Variants in STK31 observed in about 807,000 individuals in gnomAD.
The protein encoded by STK31 is serine/threonine-protein kinase 31.
In STK31, 89 loss-of-function variants were observed where a neutral mutation model predicts 129.7. The observed-to-expected ratio is 0.69, with a 90% CI of 0.58 to 0.82. The LOEUF (loss-of-function observed/expected upper bound fraction) is 0.82. Among genes scored for constraint, STK31 ranks in the 40% least tolerant of loss-of-function variants. STK31 has a pLI of 0.00. For missense variants in STK31, 1,187 were observed against 1,176.4 expected (o/e 1.01, Z -0.13); for synonymous variants, 448 against 395.3 (o/e 1.13, Z -1.58).
At chr7:23,831,837 G>A (rs949955609) in intron 23 of STK31, among the ~76,000 whole-genome samples, 1 of 152,144 alleles carries the variant, frequency 6.6e-6, no homozygotes, top group Non-Finnish European at 1.5e-5. Context: ...TGTTGGCCAG[G>A]CTAGTCTTGA....
In STK31 at chr7:23,729,080, AT is replaced by A; in HGVS notation, c.325-5del. On this transcript the variant is annotated splice_polypyrimidine_tract_variant and intron_variant, in intron 5 of 23. Transcript: ENST00000355870. ...GGGTCAGTATTCGTATTTGTCTCTT[AT>A]TTTTTCCAGTGTCTGGTGAGGTACA... 1 of 1,580,978 alleles carries A rather than the reference AT, an allele frequency of 6.3e-7. No individual in the cohort carries two copies. Among genetic ancestry groups the A allele is most frequent in the Non-Finnish European group, 8.6e-7 (1 of 1,169,342 alleles).
intron 4 of STK31, among the ~76,000 whole-genome samples, chr7:23,723,505 T>A (rs1184635603): frequency 3.9e-5 from 6 of 152,228 alleles, no homozygotes; most frequent in Non-Finnish European, 5.9e-5. Flanking sequence ...ACTCCTTTTC[T>A]TCTATTGAAT....
chr7:23,795,095 A>G (rs374669891), intron 22 of STK31, among the ~76,000 whole-genome samples: 3 of 152,300 alleles, frequency 2.0e-5, no homozygotes, highest in East Asian at 3.9e-4. Flanking sequence ...TGGGGAAAGT[A>G]TCTCCAGGGC....
At chr7:23,719,786 T>C (rs1418492369) in intron 4 of STK31, among the ~76,000 whole-genome samples, 1 of 152,114 alleles carries the variant, frequency 6.6e-6, no homozygotes, top group Non-Finnish European at 1.5e-5. Flanking sequence ...TGTTTTTAGG[T>C]GTGTGGAATT....
chr7:23,818,063 A>C (rs1416054648), intron 23 of STK31, among the ~76,000 whole-genome samples: 1 of 152,054 alleles, frequency 6.6e-6, no homozygotes. Context: ...AAAATTAACA[A>C]ATTGTAATAT....
chr7:23,718,041 T>C (rs1014024821), intron 4 of STK31, among the ~76,000 whole-genome samples: 5 of 152,160 alleles, frequency 3.3e-5, no homozygotes, highest in Non-Finnish European at 5.9e-5. Flanking sequence ...CAGAACAGTA[T>C]GAATGTACTT....
At chr7:23,810,873 A>G (rs959509419) in intron 22 of STK31, among the ~76,000 whole-genome samples, 19 of 141,588 alleles carry the variant, frequency 1.3e-4, no homozygotes, top group Non-Finnish European at 2.4e-4. Flanking sequence ...TATTATATAT[A>G]AATATGTATA....
intron 17 of STK31, among the ~76,000 whole-genome samples, chr7:23,784,100 A>G (rs1194993964): frequency 6.6e-6 from 1 of 152,104 alleles, no homozygotes; most frequent in Non-Finnish European, 1.5e-5. Context: ...TGAGGTGGGT[A>G]TGGTTTTCTA....
At chr7:23,825,445 T>G (rs1459589508) in intron 23 of STK31, among the ~76,000 whole-genome samples, 1 of 152,234 alleles carries the variant, frequency 6.6e-6, no homozygotes, top group Non-Finnish European at 1.5e-5. Context: ...ACTGGTGATA[T>G]CCCCTTTGTC....
intron 4 of STK31, among the ~76,000 whole-genome samples, chr7:23,726,968 T>C (rs892171568): frequency 6.6e-6 from 1 of 152,180 alleles, no homozygotes; most frequent in African/African-American, 2.4e-5. Flanking sequence ...TTTTTTGCTT[T>C]TTATACCCCT....
intron 22 of STK31, among the ~76,000 whole-genome samples, chr7:23,804,464 T>C (rs548946730): frequency 6.6e-6 from 1 of 152,344 alleles, no homozygotes; most frequent in East Asian, 1.9e-4. Context: ...GTTTAAATTT[T>C]AGCCACAGTT....
intron 6 of STK31, among the ~76,000 whole-genome samples, chr7:23,730,878 A>ATTTTTTTTTTTTTTTT (rs60712892): frequency 1.7e-5 from 1 of 59,554 alleles, no homozygotes; most frequent in Non-Finnish European, 3.3e-5. Flanking sequence ...ATATATATAT[A>ATTTTTTTTTTTTTTTT]TTTTTTTTTT....
At chr7:23,807,761 G>A (rs1562620369) in intron 22 of STK31, among the ~76,000 whole-genome samples, 1 of 151,684 alleles carries the variant, frequency 6.6e-6, no homozygotes, top group African/African-American at 2.4e-5. Flanking sequence ...GTTCAAATGG[G>A]TTATTTTCTA....
At chr7:23,720,600 G>A (rs139703565) in intron 4 of STK31, among the ~76,000 whole-genome samples, 1 of 152,122 alleles carries the variant, frequency 6.6e-6, no homozygotes, top group Admixed American at 6.5e-5. Flanking sequence ...AAAATGTAAA[G>A]GGTCCATACA....
intron 15 of STK31, among the ~76,000 whole-genome samples, chr7:23,780,534 T>G (rs1790859201): frequency 6.6e-6 from 1 of 152,200 alleles, no homozygotes; most frequent in South Asian, 2.1e-4. Context: ...TTTGAATTCT[T>G]TAATCCTTGA....
chr7:23,755,771 G>A (rs1292615488), intron 10 of STK31, among the ~76,000 whole-genome samples: 2 of 152,166 alleles, frequency 1.3e-5, no homozygotes, highest in African/African-American at 2.4e-5. Context: ...CCAATTGCTT[G>A]TTTTTGTCAG....
intron 23 of STK31, among the ~76,000 whole-genome samples, chr7:23,816,534 A>C (rs1355052249): frequency 6.6e-6 from 1 of 152,198 alleles, no homozygotes; most frequent in East Asian, 1.9e-4. Flanking sequence ...GCTCGATTGG[A>C]GATGAATATG....
At chr7:23,780,996 T>C (rs879569310) in intron 15 of STK31, among the ~76,000 whole-genome samples, 9 of 152,242 alleles carry the variant, frequency 5.9e-5, no homozygotes, top group African/African-American at 9.6e-5. Flanking sequence ...TGTATTATCA[T>C]TGGAGACAGT....
Position 23,746,691 on chromosome 7 carries a change from G to A in STK31, c.1018-6026G>A, listed in dbSNP as rs967832587. 1.4e-4 allele frequency among the ~76,000 whole-genome samples: 22 copies of A among 152,174 alleles called. No individual in the cohort carries two copies. In the East Asian group the frequency reaches 3.1e-3, roughly 21 times the overall value. ...CATAAGGAAGAAGAAATGTATTTAC[G>A]TTTTATTAAGTCTTAATCCTCATTG... On this transcript the variant is annotated intron_variant, in intron 8 of 23. Transcript: ENST00000355870.
Sources: allele counts gnomAD v4.1 joint callset (sites outside exome capture counted in the v4.1 genomes callset), GRCh38; gene constraint gnomAD v4.1.1; transcripts MANE v1.5; gene names NCBI Gene and HGNC (gene_info 2026-07-23, HGNC 2026-07-21).